The following ACOT12 variants were observed in gnomAD, a reference collection of about 807,000 sequenced individuals.
The protein encoded by ACOT12 is acetyl-coenzyme A thioesterase.
ACOT12 carries 51 observed loss-of-function variants against 67.7 expected under a neutral mutation model. That is an observed-to-expected ratio of 0.75 (90% CI 0.60 to 0.95). ACOT12 has a LOEUF of 0.95. Ranked by LOEUF, ACOT12 falls within the 40% of genes least tolerant of loss-of-function variation. The probability of loss-of-function intolerance (pLI) is 0.00; values close to 1 mark genes in which losing one functional copy is unlikely to be tolerated. For synonymous variants in ACOT12, 251 were observed against 244.6 expected, an observed-to-expected ratio of 1.03 and a Z score of -0.24; for missense variants, 734 against 708.1, an observed-to-expected ratio of 1.04 and a Z score of -0.41.
At position 81,393,986 on chromosome 5, in the gene ACOT12, A is replaced by C. The variant is rs1352044490; in HGVS notation, c.127+2T>G. ...CTCCCCGCAGCCCCGGCGCCCGCCT[A>C]CCCGCCAGGCAGGCGGTGGTGTCGA... On this transcript the variant is annotated splice_donor_variant, in intron 1 of 14. Coordinates refer to ENST00000307624, the MANE Select transcript of ACOT12 (RefSeq NM_130767.3). LOFTEE classifies it high-confidence loss of function. 7.3e-7 allele frequency: 1 copy of C among 1,361,012 alleles called. No individual in the cohort carries two copies. The highest frequency in any genetic ancestry group is 9.4e-7 in the Non-Finnish European group (1 of 1,061,458). The allele number at this position is 1,361,012 out of a possible 1,614,324, so 84.3% of individuals were successfully genotyped here. A position where few individuals can be genotyped will look rare whatever the true frequency, so the allele number is the denominator to read the frequency against.
chr5:81,339,072 C>G (rs1445384050), intron 11 of ACOT12, among the ~76,000 whole-genome samples: 1 of 152,190 alleles, frequency 6.6e-6, no homozygotes, highest in African/African-American at 2.4e-5. Flanking sequence ...GAGTGAGACT[C>G]TATCTCAAAA....
intron 2 of ACOT12, among the ~76,000 whole-genome samples, chr5:81,380,157 G>T (rs1057298012): frequency 6.6e-6 from 1 of 152,088 alleles, no homozygotes; most frequent in Admixed American, 6.6e-5. Flanking sequence ...AATTTTATAA[G>T]TTTGAAAACT....
chr5:81,315,206 G>A, the ACOT12 span, among the ~76,000 whole-genome samples: 3 of 152,008 alleles, frequency 2.0e-5, no homozygotes, highest in African/African-American at 7.3e-5. Flanking sequence ...ACTTTCCCCT[G>A]GGGAAAAAGT....
chr5:81,311,424 T>C, the ACOT12 span: 1 of 875,992 alleles, frequency 1.1e-6, no homozygotes, highest in South Asian at 1.6e-5. Flanking sequence ...TTAATCTCTG[T>C]CAGCAATAGA....
intron 2 of ACOT12, among the ~76,000 whole-genome samples, chr5:81,372,240 A>T (rs1760276868): frequency 6.6e-6 from 1 of 152,224 alleles, no homozygotes; most frequent in African/African-American, 2.4e-5. Flanking sequence ...GATCAGCTTC[A>T]GTAGGTTTGT....
At chr5:81,378,118 G>A (rs994085457) in intron 2 of ACOT12, among the ~76,000 whole-genome samples, 22 of 152,166 alleles carry the variant, frequency 1.4e-4, no homozygotes, top group African/African-American at 4.6e-4. Context: ...AAACAGCATG[G>A]TACTGGTACC....
downstream of ACOT12, among the ~76,000 whole-genome samples, chr5:81,326,004 C>T (rs1758664350): frequency 6.6e-6 from 1 of 150,488 alleles, no homozygotes; most frequent in Non-Finnish European, 1.5e-5. Context: ...GAGATGGAGT[C>T]TTGCTATGTT....
At position 81,363,845 on chromosome 5, in the gene ACOT12, C is replaced by T. The variant is rs199843240; in HGVS notation, c.303G>A (p.Glu101=). Residue 101 remains glutamate, a synonymous_variant, in exon 4 of 15, where the codon GAG becomes GAA. Coordinates refer to ENST00000307624, the MANE Select transcript of ACOT12 (RefSeq NM_130767.3). ...TGGAGAAAGCCACACTAACAAGCTT[C>T]TCAATGCCAGTGAGCATATCCTGTA... is the stretch of plus-strand genomic sequence containing the variant. The part of the protein sequence containing the change: ...VMVQDMLTGI[E]KLVSVAFSTF... The T allele has an allele frequency of 2.1e-4, 346 of 1,612,122 alleles. 4 individuals carry two copies. Among genetic ancestry groups the T allele is most frequent in the Middle Eastern group, 2.0e-3 (12 of 6,054 alleles).
At chr5:81,331,083 G>A (rs1758806329) in intron 13 of ACOT12, 143 bp from the exon 14 acceptor site, 1 of 929,344 alleles carries the variant, frequency 1.1e-6, no homozygotes, top group Admixed American at 3.4e-5. Context: ...GGTCTCATCA[G>A]AAAACACTCT....
the ACOT12 span, among the ~76,000 whole-genome samples, chr5:81,324,405 G>C: frequency 4.6e-5 from 7 of 152,260 alleles, 1 homozygote; most frequent in East Asian, 1.4e-3. Flanking sequence ...GGCAGAATTT[G>C]GGTGGTCTGT....
At chr5:81,359,301 G>T (rs1393657984) in intron 5 of ACOT12, among the ~76,000 whole-genome samples, 3 of 152,154 alleles carry the variant, frequency 2.0e-5, no homozygotes, top group African/African-American at 7.2e-5. Context: ...GGAGGGGCAA[G>T]GGCGGGGCTC....
At position 81,360,094 on chromosome 5, in the gene ACOT12, CATGAATTTTGCAA is replaced by C. The variant is rs1451071961; in HGVS notation, c.361-69_361-57del. ...GCCTTGTTAAATTATAAAAGCACAG[CATGAATTTTGCAA>C]AACAAATGATATGCTACATGGTTTT... On this transcript the variant is annotated intron_variant, in intron 4 of 14. Transcript: ENST00000307624. The C allele has an allele frequency of 4.5e-6, 7 of 1,553,294 alleles. No individual in the cohort carries two copies. In the South Asian group the frequency reaches 4.9e-5, roughly 11 times the overall value.
At chr5:81,359,799 G>C in intron 5 of ACOT12, 104 bp downstream of exon 5, 1 of 1,281,016 alleles carries the variant, frequency 7.8e-7, no homozygotes, top group African/African-American at 1.5e-5. Flanking sequence ...AGTGTCACCA[G>C]GACTGAATGG....
the ACOT12 span, among the ~76,000 whole-genome samples, chr5:81,322,939 G>C: frequency 2.0e-5 from 3 of 152,216 alleles, no homozygotes; most frequent in Non-Finnish European, 4.4e-5. Context: ...TCCTGCCCTT[G>C]ACATGTGGGG....
chr5:81,378,529 TATC>T (rs1760486530), intron 2 of ACOT12, among the ~76,000 whole-genome samples: 1 of 152,140 alleles, frequency 6.6e-6, no homozygotes, highest in Non-Finnish European at 1.5e-5. Flanking sequence ...CAAAAGAAAC[TATC>T]ATCAGACTGA....
chr5:81,345,024 C>G lies in ACOT12; in HGVS notation c.791G>C (p.Arg264Pro), dbSNP rs557955647. Residue 264 changes from arginine (R) to proline (P), a missense_variant, in exon 8 of 15, where the codon CGC (arginine) becomes CCC (proline). By Grantham distance (103) the Arg-to-Pro change is moderately radical. Transcript: ENST00000307624. ...TTCCTGACAGTCAAAGGCCTCCACG[C>G]GAACTCCAACTTCAACACTGTGAAG... ...TFQTCVEVGVRVEAFDCQEWA... is the reference protein window; with the variant it reads ...TFQTCVEVGVPVEAFDCQEWA... 8 of 1,613,926 alleles carry G rather than the reference C, an allele frequency of 5.0e-6. No homozygotes were observed. Among genetic ancestry groups the G allele is most frequent in the Non-Finnish European group, 6.8e-6 (8 of 1,179,992 alleles).
chr5:81,352,050 A>G (rs1210247274), intron 5 of ACOT12, among the ~76,000 whole-genome samples: 1 of 152,216 alleles, frequency 6.6e-6, no homozygotes, highest in Admixed American at 6.5e-5. Flanking sequence ...CAAAACTACA[A>G]TGAGGTATCA....
intron 2 of ACOT12, among the ~76,000 whole-genome samples, chr5:81,375,838 G>T (rs564739459): frequency 6.6e-6 from 1 of 152,226 alleles, no homozygotes; most frequent in Admixed American, 6.5e-5. Flanking sequence ...GATTCATAGA[G>T]AAAGTTCTTA....
rs533926786 is a variant in ACOT12 at position 81,330,179 on chromosome 5, A to G, written c.*215T>C. ...GTGCCCCTGGAAGAGGCAGAGCCAC[A>G]GATGACTTACAACAGAATTCTAAAG... On this transcript the variant is annotated 3_prime_UTR_variant, in exon 15 of 15. Transcript: ENST00000307624. 94 of 471,646 alleles carry G rather than the reference A, an allele frequency of 2.0e-4. 1 individual carries two copies. The South Asian group carries it at 4.0e-3, about 20-fold the overall frequency. 29.2% of individuals were successfully genotyped at this position (471,646 alleles called of 1,614,324 possible). A position where few individuals can be genotyped will look rare whatever the true frequency, so the allele number is the denominator to read the frequency against.
Sources: gnomAD v4.1 joint callset for allele counts (sites outside exome capture counted in the v4.1 genomes callset) on GRCh38, gnomAD v4.1.1 for gene constraint, MANE v1.5 for transcripts, NCBI Gene and HGNC (gene_info 2026-07-23, HGNC 2026-07-21) for gene names.